The following METTL15 variants were observed in gnomAD, a reference collection of about 807,000 sequenced individuals.
METTL15 encodes methyltransferase 15, mitochondrial 12S rRNA N4-cytidine.
METTL15 carries 34 observed loss-of-function variants against 38.3 expected under a neutral mutation model. The observed-to-expected ratio is 0.89, with a 90% CI of 0.68 to 1.18. METTL15 has a LOEUF of 1.18. Among genes scored for constraint, METTL15 ranks in the 50% most tolerant of loss-of-function variants. The pLI is 0.00. For missense variants in METTL15, 438 were observed against 498.4 expected (o/e 0.88, Z 1.15); for synonymous variants, 162 against 170.9 (o/e 0.95, Z 0.41).
intron 5 of METTL15, among the ~76,000 whole-genome samples, chr11:28,393,394 G>T (rs1425460272): frequency 6.6e-6 from 1 of 152,126 alleles, no homozygotes; most frequent in African/African-American, 2.4e-5. Flanking sequence ...GTGGTTTAAA[G>T]AAATGATAAT....
At chr11:28,187,238 C>T (rs962523833) in intron 3 of METTL15, among the ~76,000 whole-genome samples, 12 of 151,174 alleles carry the variant, frequency 7.9e-5, no homozygotes, top group Admixed American at 1.3e-4. Context: ...AGTGCTATGG[C>T]CTTCTCTGAC....
chr11:28,415,362 T>A (rs1850764033), intron 5 of METTL15, among the ~76,000 whole-genome samples: 1 of 152,198 alleles, frequency 6.6e-6, no homozygotes, highest in African/African-American at 2.4e-5. Context: ...AGAAAAGGTA[T>A]CTGAGAACAC....
intron 4 of METTL15, among the ~76,000 whole-genome samples, chr11:28,247,965 T>C (rs1854581164): frequency 6.6e-6 from 1 of 152,124 alleles, no homozygotes; most frequent in African/African-American, 2.4e-5. Flanking sequence ...AGTTTTTAAG[T>C]TGTCAAAATA....
intron 3 of METTL15, among the ~76,000 whole-genome samples, chr11:28,137,378 T>C (rs1160425946): frequency 6.6e-6 from 1 of 152,202 alleles, no homozygotes; most frequent in Non-Finnish European, 1.5e-5. Flanking sequence ...TAAAAACACA[T>C]TTTACTTTCT....
chr11:28,268,065 C>T (rs1258175126), intron 4 of METTL15, among the ~76,000 whole-genome samples: 4 of 150,328 alleles, frequency 2.7e-5, no homozygotes, highest in African/African-American at 4.9e-5. Flanking sequence ...GGCATAGTGG[C>T]GGGCGCCTGT....
At chr11:28,317,788 A>G in intron 6 of METTL15, among the ~76,000 whole-genome samples, 1 of 152,194 alleles carries the variant, frequency 6.6e-6, no homozygotes, top group Admixed American at 6.5e-5. Context: ...CTCTTACTTT[A>G]TGTGAAATTC....
At chr11:28,349,439 T>G (rs1850023638) in intron 3 of METTL15, among the ~76,000 whole-genome samples, 1 of 152,146 alleles carries the variant, frequency 6.6e-6, no homozygotes, top group South Asian at 2.1e-4. Flanking sequence ...ATTGTCTAAA[T>G]AAAGGAAAGG....
At chr11:28,414,606 AT>A (rs774330867) in intron 5 of METTL15, among the ~76,000 whole-genome samples, 45 of 152,328 alleles carry the variant, frequency 3.0e-4, no homozygotes, top group Middle Eastern at 3.4e-3. Context: ...ATTTGATGCC[AT>A]GTTTCAATGG....
intron 6 of METTL15, among the ~76,000 whole-genome samples, chr11:28,481,670 G>A (rs969310901): frequency 5.3e-5 from 8 of 152,128 alleles, no homozygotes; most frequent in African/African-American, 1.9e-4. Flanking sequence ...AGAGGTACCC[G>A]AGCAAAAGCC....
At chr11:28,358,968 G>A (rs1422641893) in intron 4 of METTL15, among the ~76,000 whole-genome samples, 2 of 152,184 alleles carry the variant, frequency 1.3e-5, no homozygotes, top group Non-Finnish European at 2.9e-5. Flanking sequence ...GGGTACATGT[G>A]TAGGTTTGTG....
chr11:28,263,577 C>T (rs1270388214), intron 4 of METTL15, among the ~76,000 whole-genome samples: 2 of 151,946 alleles, frequency 1.3e-5, no homozygotes, highest in Admixed American at 6.6e-5. Context: ...ATTGTAATTG[C>T]ATTTCTTTCC....
At chr11:28,221,505 T>C (rs1417154254) in intron 4 of METTL15, among the ~76,000 whole-genome samples, 1 of 152,162 alleles carries the variant, frequency 6.6e-6, no homozygotes, top group Non-Finnish European at 1.5e-5. Flanking sequence ...CATGGGTTTG[T>C]ACTTCCTCCT....
chr11:28,295,950 A>G (rs1199760776), intron 5 of METTL15, among the ~76,000 whole-genome samples: 2 of 152,134 alleles, frequency 1.3e-5, no homozygotes, highest in African/African-American at 4.8e-5. Context: ...TAAAGTCATA[A>G]TTAACTCATC....
chr11:28,520,603 A>G (rs1299367203), intron 6 of METTL15, among the ~76,000 whole-genome samples: 1 of 152,172 alleles, frequency 6.6e-6, no homozygotes, highest in Non-Finnish European at 1.5e-5. Flanking sequence ...ATCTATAAAT[A>G]TGAGTCTTTT....
At chr11:28,282,439 C>G (rs1392034092) in intron 4 of METTL15, among the ~76,000 whole-genome samples, 1 of 152,156 alleles carries the variant, frequency 6.6e-6, no homozygotes, top group Non-Finnish European at 1.5e-5. Flanking sequence ...AAATTAACTC[C>G]TAAATATAAA....
chr11:28,137,181 C>T (rs1272215406), intron 3 of METTL15, among the ~76,000 whole-genome samples: 1 of 152,144 alleles, frequency 6.6e-6, no homozygotes, highest in African/African-American at 2.4e-5. Context: ...TTTCAATGCG[C>T]AATTTATGGA....
At chr11:28,385,989 G>T (rs1244574981) in intron 5 of METTL15, among the ~76,000 whole-genome samples, 1 of 152,040 alleles carries the variant, frequency 6.6e-6, no homozygotes, top group African/African-American at 2.4e-5. Flanking sequence ...AAGTATGGGG[G>T]AAATAAATGA....
At chr11:28,389,762 G>A (rs1232128053) in intron 5 of METTL15, among the ~76,000 whole-genome samples, 2 of 151,566 alleles carry the variant, frequency 1.3e-5, no homozygotes, top group East Asian at 3.9e-4. Context: ...TGGGATGGCT[G>A]GGTCAAATGG....
At chr11:28,445,548 A>G (rs538613486) in intron 6 of METTL15, among the ~76,000 whole-genome samples, 7 of 152,128 alleles carry the variant, frequency 4.6e-5, no homozygotes, top group Non-Finnish European at 1.0e-4. Flanking sequence ...TGTGCAGGGT[A>G]TTTAGTGTTC....
Sources: gnomAD v4.1 joint callset for allele counts (sites outside exome capture counted in the v4.1 genomes callset) on GRCh38, gnomAD v4.1.1 for gene constraint, MANE v1.5 for transcripts, NCBI Gene and HGNC (gene_info 2026-07-23, HGNC 2026-07-21) for gene names.